CAPN2: variants seen among roughly 807,000 people sequenced by gnomAD.
CAPN2 encodes the protein calpain 2, also known as calpain-2 catalytic subunit.
In CAPN2, 92 loss-of-function variants were observed where a neutral mutation model predicts 102.3. The observed-to-expected ratio is 0.90, with a 90% CI of 0.76 to 1.07. The LOEUF is 1.07. CAPN2 is among the 50% of genes least tolerant of loss of function. The pLI is 0.00. For synonymous variants in CAPN2, 340 were observed against 355.4 expected, an observed-to-expected ratio of 0.96 and a Z score of 0.49; for missense variants, 800 against 909.4, an observed-to-expected ratio of 0.88 and a Z score of 1.55.
At chr1:223,711,473 G>T (rs1659725733), upstream of CAPN2, among the ~76,000 whole-genome samples, 1 of 152,120 alleles carries the variant, frequency 6.6e-6, no homozygotes, top group Non-Finnish European at 1.5e-5. Flanking sequence ...GGTAAACAAT[G>T]AATCATATTT....
chr1:223,757,845 G>GT lies in CAPN2; in HGVS notation c.1317+479dup, dbSNP rs35617793. The stretch of plus-strand genomic sequence containing the variant: ...GCTCCTCTCTGCATTTCAGGGTTTT[G>GT]TTTTTTTTTTTTTTGATTTTTGGTT... On this transcript the variant is annotated intron_variant, in intron 11 of 20. Coordinates refer to ENST00000295006, the MANE Select transcript of CAPN2 (RefSeq NM_001748.5). 872 of 142,422 alleles carry GT rather than the reference G, an allele frequency of 6.1e-3. 3 individuals carry two copies. The highest frequency in any genetic ancestry group is 0.019 in the South Asian group (83 of 4,280). The allele number at this position is 142,422 out of a possible 1,614,324, so 8.8% of individuals were successfully genotyped here. A position where few individuals can be genotyped will look rare whatever the true frequency, so the allele number is the denominator to read the frequency against.
At chr1:223,730,084 T>C (rs899774700) in intron 2 of CAPN2, among the ~76,000 whole-genome samples, 5 of 148,506 alleles carry the variant, frequency 3.4e-5, no homozygotes, top group African/African-American at 1.0e-4. Context: ...AGATAAGAAG[T>C]TGTTAGAGAC....
rs1004599558 is a variant in CAPN2 at position 223,754,437 on chromosome 1, C to T, written c.1136-1043C>T. On this transcript the variant is annotated intron_variant, in intron 9 of 20. Coordinates refer to ENST00000295006, the MANE Select transcript of CAPN2 (RefSeq NM_001748.5). The surrounding 1 kb of genome is among the most constrained non-coding windows in gnomAD (Gnocchi z 4.7). Reference sequence around the variant, plus strand: ...ATTTTGGCTTTGTGGGCCACTCAGTCTCTATAACAACAACTCTATTGCTAT... The same window carrying T: ...ATTTTGGCTTTGTGGGCCACTCAGTTTCTATAACAACAACTCTATTGCTAT... 2.6e-5 allele frequency among the ~76,000 whole-genome samples: 4 copies of T among 152,230 alleles called. No individual in the cohort carries two copies. Among genetic ancestry groups the T allele is most frequent in the African/African-American group, 9.6e-5 (4 of 41,454 alleles).
intron 9 of CAPN2, among the ~76,000 whole-genome samples, chr1:223,753,829 C>T (rs1451628179): frequency 1.3e-5 from 2 of 152,080 alleles, no homozygotes; most frequent in Non-Finnish European, 2.9e-5. Context: ...ATATATGAAA[C>T]AGAAATGAGT....
chr1:223,732,515 T>G (rs1186856586), intron 2 of CAPN2, among the ~76,000 whole-genome samples: 2 of 152,212 alleles, frequency 1.3e-5, no homozygotes, highest in Non-Finnish European at 2.9e-5. Context: ...AGTGTAGCAG[T>G]GAGGACGAGC....
chr1:223,773,557 G>T (rs893781328), intron 20 of CAPN2, among the ~76,000 whole-genome samples: 1 of 152,182 alleles, frequency 6.6e-6, no homozygotes, highest in Non-Finnish European at 1.5e-5. Flanking sequence ...GCCAGGCGTG[G>T]TGACACATGC....
At chr1:223,704,594 C>G (rs1659559307) in intron 1 of CAPN2, among the ~76,000 whole-genome samples, 1 of 152,114 alleles carries the variant, frequency 6.6e-6, no homozygotes, top group African/African-American at 2.4e-5. Flanking sequence ...GCCACTGAGT[C>G]ACGGTCCGTG....
chr1:223,752,033 G>A lies in CAPN2; in HGVS notation c.936G>A (p.Arg312=), dbSNP rs1175219767. Residue 312 remains arginine (R), a synonymous_variant, in exon 8 of 21, where the codon AGG becomes AGA. Transcript: ENST00000295006. ...GGAACACTATAGACCCAGAGGAGAG[G>A]GAAAGGCTGACCAGACGGCATGAAG... ...PSWNTIDPEE[R]ERLTRRHEDG... The A allele has an allele frequency of 1.2e-6, 2 of 1,613,452 alleles. No homozygotes were observed. The highest frequency in any genetic ancestry group is 1.7e-5 in the Admixed American group (1 of 60,002).
At chr1:223,719,118 T>C (rs1357676421) in intron 2 of CAPN2, among the ~76,000 whole-genome samples, 1 of 152,176 alleles carries the variant, frequency 6.6e-6, no homozygotes, top group Non-Finnish European at 1.5e-5. Flanking sequence ...TCATTTCTTT[T>C]CTTCTCGCCC....
chr1:223,770,549 C>T (rs996367259), intron 18 of CAPN2, 24 bp downstream of exon 18: 15 of 1,499,946 alleles, frequency 1.0e-5, no homozygotes, highest in African/African-American at 1.4e-5. Context: ...ACTGCATTTT[C>T]GTTCCTAGTT....
At position 223,766,348 on chromosome 1, in the gene CAPN2, C is replaced by G. The variant is rs1187825953; in HGVS notation, c.1691-19C>G. 6.2e-7 allele frequency: 1 copy of G among 1,604,256 alleles called. No individual in the cohort carries two copies. The highest frequency in any genetic ancestry group is 1.7e-5 in the Admixed American group (1 of 59,986). On this transcript the variant is annotated intron_variant, in intron 15 of 20. Transcript: ENST00000295006. ...CACCGCTCAGAGATTTTTCCTGTCA[C>G]ACTGATTTTGTCTTTTAGGCCAAGA...
At chr1:223,740,278 T>G (rs1051745014) in intron 2 of CAPN2, among the ~76,000 whole-genome samples, 3 of 152,150 alleles carry the variant, frequency 2.0e-5, no homozygotes, top group African/African-American at 7.2e-5. Context: ...CGTAAAGAAA[T>G]AGCACTTGAA....
Position 223,769,925 on chromosome 1 carries a change from T to TG in CAPN2, c.1824+17dup. On this transcript the variant is annotated intron_variant, in intron 17 of 20. Transcript: ENST00000295006. ...AAAATACCAAGTAAGATCCCAGAGA[T>TG]GCGGGTGGATCTGTGTTGGGAAACA... The TG allele has an allele frequency of 6.4e-7, 1 of 1,570,358 alleles. No homozygotes were observed. The highest frequency in any genetic ancestry group is 8.7e-7 in the Non-Finnish European group (1 of 1,152,036).
In CAPN2 at chr1:223,757,354, T is replaced by C; in HGVS notation, c.1306-15T>C. Reference sequence around the variant, plus strand: ...GCTTTTCCGGCATCTGAATTGCATCTCCTTTATTTTGCAGGTTCCAGAGGA... The same window carrying C: ...GCTTTTCCGGCATCTGAATTGCATCCCCTTTATTTTGCAGGTTCCAGAGGA... On this transcript the variant is annotated splice_polypyrimidine_tract_variant and intron_variant, in intron 10 of 20. Transcript: ENST00000295006. The C allele has an allele frequency of 3.1e-6, 5 of 1,614,176 alleles. No individual in the cohort carries two copies. Among genetic ancestry groups the C allele is most frequent in the Non-Finnish European group, 4.2e-6 (5 of 1,180,016 alleles).
At chr1:223,735,987 C>T (rs1660446797) in intron 2 of CAPN2, among the ~76,000 whole-genome samples, 1 of 152,142 alleles carries the variant, frequency 6.6e-6, no homozygotes, top group South Asian at 2.1e-4. Context: ...ACTATGTTGG[C>T]CAGGCTGGTC....
In CAPN2 at chr1:223,712,747, G is replaced by T; in HGVS notation, c.107G>T (p.Arg36Leu). ...CTCAACCAGGACTACGAGGCGCTGC[G>T]GAACGAGTGCCTGGAGGCCGGGACG... ...KYLNQDYEALRNECLEAGTLF... is the reference protein window; with the variant it reads ...KYLNQDYEALLNECLEAGTLF... Residue 36 changes from arginine to leucine, a missense_variant, in exon 1 of 21, where the codon CGG (arginine) becomes CTG (leucine). Arg to Leu is a moderately radical substitution (Grantham distance 102). Transcript: ENST00000295006. The T allele has an allele frequency of 6.3e-7, 1 of 1,586,534 alleles. No homozygotes were observed.
chr1:223,720,315 C>CTCTCTTTTTTTTTT (rs564518898), intron 2 of CAPN2, among the ~76,000 whole-genome samples: 3 of 107,494 alleles, frequency 2.8e-5, no homozygotes, highest in African/African-American at 7.5e-5. Flanking sequence ...CTCTTTCTCT[C>CTCTCTTTTTTTTTT]TTTTTTTTTT....
rs1057267797 is a variant in CAPN2 at position 223,757,565 on chromosome 1, G to A, written c.1317+185G>A. The A allele has an allele frequency of 3.5e-5, 22 of 629,828 alleles. No homozygotes were observed. In the Admixed American group the frequency reaches 5.7e-4, roughly 16 times the overall value. The allele number at this position is 629,828 out of a possible 1,614,324, so 39.0% of individuals were successfully genotyped here. A position where few individuals can be genotyped will look rare whatever the true frequency, so the allele number is the denominator to read the frequency against. On this transcript the variant is annotated intron_variant, in intron 11 of 20. Coordinates refer to ENST00000295006, the MANE Select transcript of CAPN2 (RefSeq NM_001748.5). ...TAGATCCCACTGGTCTAAGCTCTGG[G>A]CAAGGTTTCTGGAAAGTCCTTGTGG...
At chr1:223,749,995 G>A (rs1198706311) in intron 6 of CAPN2, among the ~76,000 whole-genome samples, 1 of 152,004 alleles carries the variant, frequency 6.6e-6, no homozygotes, top group Admixed American at 6.6e-5. Flanking sequence ...CAGCGACAAA[G>A]TAAGACCATG....
Sources: gnomAD v4.1 joint callset for allele counts (sites outside exome capture counted in the v4.1 genomes callset) on GRCh38, gnomAD v4.1.1 for gene constraint, Gnocchi (gnomAD v3.1) non-coding constraint, MANE v1.5 for transcripts, NCBI Gene and HGNC (gene_info 2026-07-23, HGNC 2026-07-21) for gene names.